Variants in MYO1E observed in about 807,000 individuals in gnomAD.
MYO1E encodes the protein myosin IE.
Under a neutral mutation model 151.1 loss-of-function variants are expected in MYO1E, and 68 were observed. The observed-to-expected ratio is 0.45, with a 90% CI of 0.37 to 0.55. MYO1E has a LOEUF of 0.55. Ranked by LOEUF, MYO1E falls within the 20% of genes least tolerant of loss-of-function variation. The pLI, the probability that MYO1E is intolerant of heterozygous loss-of-function variation, is 0.00. For synonymous variants in MYO1E, 601 were observed against 501.7 expected (o/e 1.20, Z -2.64); for missense variants, 1,363 against 1,389.3 (o/e 0.98, Z 0.30).
chr15:59,240,361 T>C (rs2080092488), intron 4 of MYO1E, among the ~76,000 whole-genome samples: 1 of 152,056 alleles, frequency 6.6e-6, no homozygotes, highest in Admixed American at 6.6e-5. Flanking sequence ...AAATAGGAAG[T>C]ATTGTAGAGT....
At chr15:59,268,485 A>G (rs1471089672) in intron 2 of MYO1E, among the ~76,000 whole-genome samples, 1 of 152,180 alleles carries the variant, frequency 6.6e-6, no homozygotes, top group Non-Finnish European at 1.5e-5. Flanking sequence ...TGTTGTCTGA[A>G]TTTAAAAAGC....
In MYO1E at chr15:59,272,938, A is replaced by C. The variant is rs117505335; in HGVS notation, c.4-489T>G. 3.3e-5 allele frequency among the ~76,000 whole-genome samples: 5 copies of C among 152,362 alleles called. No homozygotes were observed. In the East Asian group the frequency reaches 5.8e-4, roughly 18 times the overall value. The stretch of plus-strand genomic sequence containing the variant: ...ATGACAGAATCCAGAAATGGAAAGA[A>C]TATGTATCACACAAAGGCTATGTCA... On this transcript the variant is annotated intron_variant, in intron 1 of 27. Transcript: ENST00000288235.
chr15:59,328,335 T>A (rs2080678410), intron 1 of MYO1E, among the ~76,000 whole-genome samples: 1 of 152,134 alleles, frequency 6.6e-6, no homozygotes, highest in South Asian at 2.1e-4. Context: ...GAAAGAGAAC[T>A]TGATCCATTG....
intron 4 of MYO1E, among the ~76,000 whole-genome samples, chr15:59,253,928 A>G (rs1295755804): frequency 7.0e-6 from 1 of 142,376 alleles, no homozygotes; most frequent in Non-Finnish European, 1.6e-5. Context: ...AACAAAGCCA[A>G]GAAAACAAAA....
intron 22 of MYO1E, among the ~76,000 whole-genome samples, chr15:59,166,533 A>C (rs1233663555): frequency 6.6e-6 from 1 of 152,246 alleles, no homozygotes; most frequent in East Asian, 1.9e-4. Context: ...AACACCAAGG[A>C]AAGTCCTGAA....
rs770556968 is a variant in MYO1E, at chr15:59,163,278, G to T, written c.2506C>A (p.Leu836Ile). Residue 836 changes from leucine to isoleucine, a missense_variant, in exon 23 of 28, where the codon CTC (leucine) becomes ATC (isoleucine). Leu to Ile is a conservative substitution (Grantham distance 5). Transcript: ENST00000288235. ...LSTMQDDIFI[L>I]HEQEYDSLLE... ...AAACTGTCATACTCTTGCTCATGGA[G>T]AATAAAAATGTCATCCTGCATAGTA... The T allele has an allele frequency of 1.2e-6, 2 of 1,613,660 alleles. No individual in the cohort carries two copies. The highest frequency in any genetic ancestry group is 2.2e-5 in the South Asian group (2 of 91,074).
chr15:59,154,517 A>G (rs1428886093), intron 25 of MYO1E, among the ~76,000 whole-genome samples: 1 of 152,210 alleles, frequency 6.6e-6, no homozygotes, highest in East Asian at 1.9e-4. Context: ...GCCCTTATTC[A>G]TTCTCCCACT....
chr15:59,181,179 A>G (rs1382728823), intron 18 of MYO1E, among the ~76,000 whole-genome samples: 10 of 152,166 alleles, frequency 6.6e-5, no homozygotes, highest in African/African-American at 1.7e-4. Context: ...TTGCCCGTGA[A>G]GTGGAACGCC....
At position 59,143,366 on chromosome 15, in the gene MYO1E, A is replaced by AG. The variant is rs367735353; in HGVS notation, c.3081-5000dup. ...GGAGGAGTGGGCAGGTGGGTGGAGG[A>AG]GGGAGGACCTCTGCAGTTTGCACTT... On this transcript the variant is annotated intron_variant, in intron 26 of 27. Coordinates refer to ENST00000288235, the MANE Select transcript of MYO1E (RefSeq NM_004998.4). Among the ~76,000 whole-genome samples, 249 of 152,148 alleles carry AG rather than the reference A, an allele frequency of 1.6e-3. 1 individual carries two copies. Among genetic ancestry groups the AG allele is most frequent in the African/African-American group, 5.8e-3 (240 of 41,500 alleles).
rs575820387 is a variant in MYO1E, at chr15:59,233,903, T to C, written c.421-2112A>G. On this transcript the variant is annotated intron_variant, in intron 5 of 27. Transcript: ENST00000288235. The stretch of plus-strand genomic sequence containing the variant: ...AAGACTTAGTACCAAAAAAAAAAAA[T>C]CTCATTAATTTTGTTATATTAATTA... Among the ~76,000 whole-genome samples, 14 of 138,796 alleles carry C rather than the reference T, an allele frequency of 1.0e-4. No homozygotes were observed. The South Asian group carries it at 3.3e-3, about 33-fold the overall frequency. The allele number at this position is 138,796 out of a possible 152,430, so 91.1% of individuals were successfully genotyped here. A position where few individuals can be genotyped will look rare whatever the true frequency, so the allele number is the denominator to read the frequency against.
chr15:59,359,438 A>T (rs2080873587), intron 1 of MYO1E, among the ~76,000 whole-genome samples: 1 of 151,644 alleles, frequency 6.6e-6, no homozygotes, highest in Non-Finnish European at 1.5e-5. Context: ...ACAGTGAGAC[A>T]AGATCACACC....
At chr15:59,216,652 G>GTGTGTGTGTATGTGTATA (rs1399300891) in intron 10 of MYO1E, among the ~76,000 whole-genome samples, 1 of 26,222 alleles carries the variant, frequency 3.8e-5, no homozygotes. Flanking sequence ...CAGTGTGTGT[G>GTGTGTGTGTATGTGTATA]TGTGTGTGTA....
chr15:59,310,314 T>C lies in MYO1E; in HGVS notation c.4-37865A>G, dbSNP rs138297687. ...CACTGTGTTGCCTCCAAAAAAGACA[T>C]GTTGAAGTCCTAGGCCACAGTATCT... is the stretch of plus-strand genomic sequence containing the variant. On this transcript the variant is annotated intron_variant, in intron 1 of 27. Coordinates refer to ENST00000288235, the MANE Select transcript of MYO1E (RefSeq NM_004998.4). 5.9e-5 allele frequency among the ~76,000 whole-genome samples: 9 copies of C among 152,310 alleles called. No individual in the cohort carries two copies. In the East Asian group the frequency reaches 1.4e-3, roughly 23 times the overall value.
intron 1 of MYO1E, among the ~76,000 whole-genome samples, chr15:59,278,872 A>G (rs1413240716): frequency 2.0e-5 from 3 of 152,188 alleles, no homozygotes; most frequent in African/African-American, 7.2e-5. Context: ...TGCAAGACAC[A>G]AGTATTATAA....
At chr15:59,148,232 C>T (rs1294397435) in intron 26 of MYO1E, among the ~76,000 whole-genome samples, 1 of 151,976 alleles carries the variant, frequency 6.6e-6, no homozygotes, top group Non-Finnish European at 1.5e-5. Flanking sequence ...AGGCACATGG[C>T]TCAGTAAATA....
At chr15:59,185,735 A>T (rs28505669) in intron 18 of MYO1E, among the ~76,000 whole-genome samples, 1 of 152,220 alleles carries the variant, frequency 6.6e-6, no homozygotes, top group Non-Finnish European at 1.5e-5. Context: ...AATAAAATTT[A>T]AAAATGATTA....
In MYO1E at chr15:59,158,823, C is replaced by T. The variant is rs376110920; in HGVS notation, c.2786-444G>A. Among the ~76,000 whole-genome samples, 18 of 152,312 alleles carry T rather than the reference C, an allele frequency of 1.2e-4. No homozygotes were observed. In the East Asian group the frequency reaches 1.7e-3, roughly 15 times the overall value. ...ACCTGCCTACGTCAAGCGCCTTGCA[C>T]GCAAGAGTGTGTGTTCTACGGTCCT... On this transcript the variant is annotated intron_variant, in intron 24 of 27. Transcript: ENST00000288235.
At chr15:59,219,460 A>G (rs2079940445) in intron 9 of MYO1E, among the ~76,000 whole-genome samples, 1 of 152,230 alleles carries the variant, frequency 6.6e-6, no homozygotes, top group Non-Finnish European at 1.5e-5. Flanking sequence ...CTCCCAATAA[A>G]GGATAATCTG....
chr15:59,142,533 G>T (rs1566962840), intron 26 of MYO1E, among the ~76,000 whole-genome samples: 1 of 152,172 alleles, frequency 6.6e-6, no homozygotes. Flanking sequence ...CTTGCCAGTT[G>T]TTTCCTTTCT....
Sources: allele counts gnomAD v4.1 joint callset (sites outside exome capture counted in the v4.1 genomes callset), GRCh38; gene constraint gnomAD v4.1.1; transcripts MANE v1.5; gene names NCBI Gene and HGNC (gene_info 2026-07-23, HGNC 2026-07-21).